SLC7A5: variants seen among roughly 807,000 people sequenced by gnomAD.
SLC7A5 encodes the protein large neutral amino acids transporter small subunit 1.
A neutral mutation model predicts 50.2 loss-of-function variants in SLC7A5; 23 were observed. That is an observed-to-expected ratio of 0.46 (90% confidence interval 0.33 to 0.65). The LOEUF is 0.65. Ranked by LOEUF, SLC7A5 falls within the 30% of genes least tolerant of loss-of-function variation. The probability of loss-of-function intolerance (pLI) is 0.02; values close to 1 mark genes in which losing one functional copy is unlikely to be tolerated. For missense variants in SLC7A5, 578 were observed against 684.4 expected, an observed-to-expected ratio of 0.84 and a Z score of 1.73; for synonymous variants, 393 against 330.6, an observed-to-expected ratio of 1.19 and a Z score of -2.05.
intron 6 of SLC7A5, 89 bp downstream of exon 6, chr16:87,838,625 G>T: frequency 9.7e-7 from 1 of 1,031,450 alleles, no homozygotes; most frequent in Non-Finnish European, 1.5e-6. Context: ...CAGTATCACA[G>T]AGACAAACCT....
chr16:87,842,706 C>T (rs2055096708), intron 2 of SLC7A5, among the ~76,000 whole-genome samples: 1 of 152,206 alleles, frequency 6.6e-6, no homozygotes, highest in East Asian at 1.9e-4. Flanking sequence ...CGCCACCCTG[C>T]CCTGCTGAGG....
intron 2 of SLC7A5, among the ~76,000 whole-genome samples, chr16:87,848,021 G>A (rs8047781): frequency 0.026 from 4,034 of 152,250 alleles, 170 homozygotes; most frequent in African/African-American, 0.089. Context: ...TTCAGCCGGG[G>A]TCTGAGCCCT....
chr16:87,831,696 T>C lies in SLC7A5; in HGVS notation c.*1274A>G, dbSNP rs2054937529. 6.6e-6 allele frequency: 1 copy of C among 152,210 alleles called. No homozygotes were observed. Among genetic ancestry groups the C allele is most frequent in the Non-Finnish European group, 1.5e-5 (1 of 68,030 alleles). 9.4% of individuals were successfully genotyped at this position (152,210 alleles called of 1,614,324 possible). On this transcript the variant is annotated 3_prime_UTR_variant, in exon 10 of 10. Coordinates refer to ENST00000261622, the MANE Select transcript of SLC7A5 (RefSeq NM_003486.7). ...TCTTGTTCTGGGGGTCCCTGGCTGC[T>C]GCCATGGAGGCAGCGACAGCTCAGG...
rs1360929780 is a variant in SLC7A5 at position 87,857,218 on chromosome 16, C to T, written c.539-5369G>A. ...TTCCGGGGCAGGGAAGCAAAGGCAG[C>T]GTTCACATTTTTTTTTTTTTTGAGA... On this transcript the variant is annotated intron_variant, in intron 1 of 9. Coordinates refer to ENST00000261622, the MANE Select transcript of SLC7A5 (RefSeq NM_003486.7). Among the ~76,000 whole-genome samples the T allele has an allele frequency of 2.8e-5, 4 of 144,490 alleles. No homozygotes were observed. In the East Asian group the frequency reaches 5.8e-4, roughly 21 times the overall value. 94.8% of individuals were successfully genotyped at this position (144,490 alleles called of 152,430 possible).
chr16:87,865,300 A>C (rs1184707030), intron 1 of SLC7A5, among the ~76,000 whole-genome samples: 1 of 152,228 alleles, frequency 6.6e-6, no homozygotes, highest in African/African-American at 2.4e-5. Flanking sequence ...GTGTGGCCCT[A>C]ACTTTCGCTG....
In SLC7A5 at chr16:87,839,717, G is replaced by A. The variant is rs747943121; in HGVS notation, c.924C>T (p.Ser308=). Residue 308 remains serine, a synonymous_variant, in exon 5 of 10, where the codon TCC becomes TCT. Transcript: ENST00000261622. ...AGCGGCTCACCACGGCCACGGCCTC[G>A]GACGACAGCATCTGCTCGGTGGACA... The part of the protein sequence containing the change: ...TTLSTEQMLS[S]EAVAVDFGNY... The A allele has an allele frequency of 1.9e-5, 31 of 1,613,526 alleles. No individual in the cohort carries two copies. The highest frequency in any genetic ancestry group is 1.1e-4 in the African/African-American group (8 of 75,048).
intron 7 of SLC7A5, among the ~76,000 whole-genome samples, chr16:87,837,010 T>A (rs1000592255): frequency 1.3e-5 from 2 of 152,222 alleles, no homozygotes; most frequent in African/African-American, 4.8e-5. Context: ...CAACCTGACC[T>A]AACCCAGTGG....
chr16:87,855,054 G>C (rs2055297943), intron 1 of SLC7A5, among the ~76,000 whole-genome samples: 1 of 152,258 alleles, frequency 6.6e-6, no homozygotes, highest in African/African-American at 2.4e-5. Context: ...ACCTGTCACA[G>C]TGAGGCCCAA....
In SLC7A5 at chr16:87,833,145, C is replaced by A; in HGVS notation, c.1469-120G>T. On this transcript the variant is annotated intron_variant, in intron 9 of 9. Coordinates refer to ENST00000261622, the MANE Select transcript of SLC7A5 (RefSeq NM_003486.7). The surrounding 1 kb of genome is among the most constrained non-coding windows in gnomAD (Gnocchi z 6.0). ...CACCAAACCCAGCGCCGCTGCCCAG[C>A]GCTGGGATTTTAAGGAACCTTCCCT... The A allele has an allele frequency of 2.4e-6, 2 of 841,392 alleles. No homozygotes were observed. Among genetic ancestry groups the A allele is most frequent in the South Asian group, 1.3e-5 (1 of 74,650 alleles). The allele number at this position is 841,392 out of a possible 1,614,324, so 52.1% of individuals were successfully genotyped here.
chr16:87,837,079 G>A (rs2055016261), intron 7 of SLC7A5, among the ~76,000 whole-genome samples: 1 of 152,242 alleles, frequency 6.6e-6, no homozygotes, highest in Admixed American at 6.5e-5. Flanking sequence ...GGACCGTGCA[G>A]CTGCCAAAGA....
chr16:87,845,267 GA>G (rs1396542600), intron 2 of SLC7A5, among the ~76,000 whole-genome samples: 1 of 152,238 alleles, frequency 6.6e-6, no homozygotes, highest in Non-Finnish European at 1.5e-5. Flanking sequence ...GTCACCAGCC[GA>G]GTGCACAGCC....
intron 1 of SLC7A5, among the ~76,000 whole-genome samples, chr16:87,858,376 G>A (rs940719686): frequency 1.3e-5 from 2 of 152,152 alleles, no homozygotes; most frequent in Non-Finnish European, 2.9e-5. Context: ...ATAAGGAGTT[G>A]CCACTGCTGG....
At position 87,853,501 on chromosome 16, in the gene SLC7A5, G is replaced by A. The variant is rs1407081911; in HGVS notation, c.539-1652C>T. 1.3e-5 allele frequency among the ~76,000 whole-genome samples: 2 copies of A among 152,036 alleles called. No individual in the cohort carries two copies. The highest frequency in any genetic ancestry group is 2.9e-5 in the Non-Finnish European group (2 of 68,016). The stretch of plus-strand genomic sequence containing the variant: ...GAGGTGATTCTTCACCTCTTCCCAG[G>A]GCTCCCAGGGACATGGAGATGTTAC... On this transcript the variant is annotated intron_variant, in intron 1 of 9. Transcript: ENST00000261622. This position sits in a 1 kb window ranked among gnomAD's most constrained non-coding sequence, Gnocchi z 4.4.
At position 87,832,792 on chromosome 16, in the gene SLC7A5, G is replaced by C. The variant is rs2054949131; in HGVS notation, c.*178C>G. 3.1e-6 allele frequency: 2 copies of C among 653,670 alleles called. No individual in the cohort carries two copies. The highest frequency in any genetic ancestry group is 5.7e-6 in the Non-Finnish European group (2 of 353,230). The allele number at this position is 653,670 out of a possible 1,614,324, so 40.5% of individuals were successfully genotyped here. On this transcript the variant is annotated 3_prime_UTR_variant, in exon 10 of 10. Coordinates refer to ENST00000261622, the MANE Select transcript of SLC7A5 (RefSeq NM_003486.7). The surrounding 1 kb of genome is among the most constrained non-coding windows in gnomAD (Gnocchi z 4.6). ...CTGGGTCCCTGGCCCTCAGTTGAGG[G>C]ATGAGATTCGTACCAGAGTTTTCAC...
At position 87,841,186 on chromosome 16, in the gene SLC7A5, T is replaced by G; in HGVS notation, c.665-31A>C. 1 of 1,420,258 alleles carries G rather than the reference T, an allele frequency of 7.0e-7. No individual in the cohort carries two copies. The highest frequency in any genetic ancestry group is 1.0e-6 in the Non-Finnish European group (1 of 1,003,630). The allele number at this position is 1,420,258 out of a possible 1,614,324, so 88.0% of individuals were successfully genotyped here. ...AGGGCCAAAGAAAGGAATGCTGGGT[T>G]AGAGAGCGCTGAACAGAGGTCATGC... On this transcript the variant is annotated intron_variant, in intron 2 of 9. Transcript: ENST00000261622. This position sits in a 1 kb window ranked among gnomAD's most constrained non-coding sequence, Gnocchi z 4.8.
rs143017498 is a variant in SLC7A5 at position 87,869,264 on chromosome 16, G to C, written c.159C>G (p.Leu53=). The C allele has an allele frequency of 1.8e-4, 290 of 1,612,364 alleles. No homozygotes were observed. The highest frequency in any genetic ancestry group is 2.2e-4 in the Non-Finnish European group (265 of 1,179,844). Residue 53 remains leucine (L), a synonymous_variant, in exon 1 of 10, where the codon CTC becomes CTG. Coordinates refer to ENST00000261622, the MANE Select transcript of SLC7A5 (RefSeq NM_003486.7). ...TCCCCACGATGATGGCCACGCCGTT[G>C]AGCAGCGTGATGTTCCGCTGCAGGG... The part of the protein sequence containing the change: ...GVTLQRNITL[L]NGVAIIVGTI...
At chr16:87,847,586 C>CGT (rs1240441214) in intron 2 of SLC7A5, among the ~76,000 whole-genome samples, 1 of 152,168 alleles carries the variant, frequency 6.6e-6, no homozygotes, top group African/African-American at 2.4e-5. Context: ...CAGCTTTTCC[C>CGT]GTAACACATG....
chr16:87,850,580 T>TG (rs1489922720), intron 2 of SLC7A5, among the ~76,000 whole-genome samples: 2 of 152,220 alleles, frequency 1.3e-5, no homozygotes, highest in Non-Finnish European at 2.9e-5. Flanking sequence ...CCTGAGGCTC[T>TG]GGGAGAGAAG....
chr16:87,867,548 GCCTCCC>G (rs1204464242), intron 1 of SLC7A5, among the ~76,000 whole-genome samples: 4 of 151,816 alleles, frequency 2.6e-5, no homozygotes, highest in Admixed American at 6.6e-5. Context: ...ATGAAGAAAT[GCCTCCC>G]CCTCCCCCTC....
Sources: gnomAD v4.1 joint callset for allele counts (sites outside exome capture counted in the v4.1 genomes callset) on GRCh38, gnomAD v4.1.1 for gene constraint, Gnocchi (gnomAD v3.1) non-coding constraint, MANE v1.5 for transcripts, NCBI Gene and HGNC (gene_info 2026-07-23, HGNC 2026-07-21) for gene names.